HS1BP3: variants seen among roughly 807,000 people sequenced by gnomAD.
HS1BP3 encodes the protein HCLS1 binding protein 3, also known as HCLS1-binding protein 3.
In HS1BP3, 32 loss-of-function variants were observed where a neutral mutation model predicts 33.5. The observed-to-expected ratio is 0.95, with a 90% CI of 0.72 to 1.28. HS1BP3 has a LOEUF of 1.28. Ranked by LOEUF, HS1BP3 falls within the 50% of genes most tolerant of loss-of-function variation. HS1BP3 has a pLI of 0.00. For missense variants in HS1BP3, 486 were observed against 502.3 expected, an observed-to-expected ratio of 0.97 and a Z score of 0.31; for synonymous variants, 187 against 209.2, an observed-to-expected ratio of 0.89 and a Z score of 0.92.
intron 2 of HS1BP3, among the ~76,000 whole-genome samples, chr2:20,643,325 C>T (rs1214008343): frequency 3.3e-5 from 5 of 152,190 alleles, no homozygotes; most frequent in African/African-American, 1.2e-4. Flanking sequence ...GTGGGCTGGG[C>T]GGCTGAAGCC....
chr2:20,613,517 C>T (rs532441685), downstream of HS1BP3, among the ~76,000 whole-genome samples: 4 of 152,322 alleles, frequency 2.6e-5, no homozygotes, highest in East Asian at 3.9e-4. Flanking sequence ...GAAGGAACGC[C>T]GCTGCCCGCC....
intron 1 of HS1BP3, among the ~76,000 whole-genome samples, chr2:20,648,590 GT>G (rs1034311156): frequency 1.3e-5 from 2 of 152,118 alleles, no homozygotes; most frequent in Non-Finnish European, 2.9e-5. Context: ...GCTTTGGATG[GT>G]TCCCCTTGAT....
rs1694721734 is a variant in HS1BP3, at chr2:20,624,802, A to C, written c.714T>G (p.Asp238Glu). 6.2e-7 allele frequency: 1 copy of C among 1,613,686 alleles called. No homozygotes were observed. The highest frequency in any genetic ancestry group is 1.1e-5 in the South Asian group (1 of 91,074). Residue 238 changes from aspartate to glutamate, a missense_variant, in exon 5 of 7, where the codon GAT becomes GAG. Transcript: ENST00000304031. ...TCCTGCCCGGGCCAAAGAGCCCCTC[A>C]TCAGGGTCCACCTCCTCGTCAAAGA... ...LTIFDEEVDPDEGLFGPGRKL... is the reference protein window; with the variant it reads ...LTIFDEEVDPEEGLFGPGRKL...
chr2:20,581,233 T>C (rs2149275724), intron 5 of HS1BP3, among the ~76,000 whole-genome samples: 1 of 152,376 alleles, frequency 6.6e-6, no homozygotes, highest in East Asian at 1.9e-4. Flanking sequence ...AGCCTGACAT[T>C]CCGAAGCCTT....
intron 2 of HS1BP3, 139 bp downstream of exon 2, chr2:20,645,201 C>G (rs116141679): frequency 0.011 from 8,447 of 786,562 alleles, 62 homozygotes; most frequent in Non-Finnish European, 0.014. Flanking sequence ...CTAGCATGGT[C>G]TGGTACTCCA....
chr2:20,576,943 G>C (rs1693414815), intron 5 of HS1BP3, among the ~76,000 whole-genome samples: 1 of 152,264 alleles, frequency 6.6e-6, no homozygotes, highest in South Asian at 2.1e-4. Flanking sequence ...ATGGGGAACA[G>C]AATTCCCACT....
Position 20,624,036 on chromosome 2 carries a change from G to A in HS1BP3, c.785-5C>T. ...GATCATCAAATAGCTTCAGGGCTGT[G>A]GGAAGGCAGCAGCAGGGGGGTCAGA... is the stretch of plus-strand genomic sequence containing the variant. On this transcript the variant is annotated splice_polypyrimidine_tract_variant and splice_region_variant and intron_variant, in intron 5 of 6. Transcript: ENST00000304031. 1 of 1,610,902 alleles carries A rather than the reference G, an allele frequency of 6.2e-7. No individual in the cohort carries two copies.
chr2:20,588,485 T>TG (rs1392529509), downstream of HS1BP3, among the ~76,000 whole-genome samples: 5 of 152,162 alleles, frequency 3.3e-5, no homozygotes, highest in Non-Finnish European at 7.4e-5. Context: ...CTGGCTAATT[T>TG]TTTTTTGCAT....
intron 3 of HS1BP3, among the ~76,000 whole-genome samples, chr2:20,597,451 G>A (rs1452611927): frequency 3.3e-5 from 5 of 152,164 alleles, no homozygotes; most frequent in Admixed American, 2.6e-4. Flanking sequence ...GTTTCAGCAA[G>A]CCTTCACCTT....
downstream of HS1BP3, among the ~76,000 whole-genome samples, chr2:20,555,917 C>T (rs1261464094): frequency 1.3e-5 from 2 of 152,186 alleles, no homozygotes; most frequent in African/African-American, 2.4e-5. Flanking sequence ...CCTGACCACC[C>T]ATCCAGACCC....
At chr2:20,582,694 G>C (rs879121935) in intron 5 of HS1BP3, among the ~76,000 whole-genome samples, 1 of 152,120 alleles carries the variant, frequency 6.6e-6, no homozygotes, top group Admixed American at 6.5e-5. Context: ...CTAAGGGGCA[G>C]CTGGGATGGC....
chr2:20,577,069 C>A (rs1693418185), intron 5 of HS1BP3, among the ~76,000 whole-genome samples: 1 of 152,056 alleles, frequency 6.6e-6, no homozygotes, highest in South Asian at 2.1e-4. Flanking sequence ...AAGGGAATTG[C>A]CGTTTGAGTT....
rs562206573 is a variant in HS1BP3 at position 20,608,645 on chromosome 2, G to A, written c.179-10380C>T. 2.8e-4 allele frequency among the ~76,000 whole-genome samples: 42 copies of A among 149,676 alleles called. 1 individual carries two copies. The highest frequency in any genetic ancestry group is 1.0e-3 in the African/African-American group (41 of 40,820). ...GTCTTGTTCCTGATCTTCGGGCAAA[G>A]ATTTCTGTCTTTCACCAAGTGTTTT... On this transcript the variant is annotated intron_variant, in intron 2 of 3. Transcript: ENST00000415264.
chr2:20,611,623 C>T lies in HS1BP3; in HGVS notation c.178+12273G>A, dbSNP rs575580575. Among the ~76,000 whole-genome samples, 3 of 152,314 alleles carry T rather than the reference C, an allele frequency of 2.0e-5. No individual in the cohort carries two copies. Among genetic ancestry groups the T allele is most frequent in the South Asian group, 2.1e-4 (1 of 4,828 alleles). On this transcript the variant is annotated intron_variant, in intron 2 of 3. Coordinates refer to the HS1BP3 transcript ENST00000415264. The surrounding 1 kb of genome is among the most constrained non-coding windows in gnomAD (Gnocchi z 4.9). ...TTGTCAGAATGGCTCATTTCCAGTTCGTTCCATCTACCCTCCCTTTGGTAG... is the reference window on the plus strand; with the variant it reads ...TTGTCAGAATGGCTCATTTCCAGTTTGTTCCATCTACCCTCCCTTTGGTAG...
chr2:20,615,563 C>A (rs1361321950), downstream of HS1BP3, among the ~76,000 whole-genome samples: 1 of 152,232 alleles, frequency 6.6e-6, no homozygotes, highest in Non-Finnish European at 1.5e-5. Context: ...AGCTGTGAAC[C>A]CACATGAAGC....
chr2:20,618,879 G>T lies in HS1BP3; in HGVS notation c.*108C>A. On this transcript the variant is annotated 3_prime_UTR_variant, in exon 7 of 7. Coordinates refer to ENST00000304031, the MANE Select transcript of HS1BP3 (RefSeq NM_022460.4). ...GTGCTGTGACCCAGGCTTCTGCCTGGCCTCCCCTGGGGGTGGGGAGGTTCT... is the reference window on the plus strand; with the variant it reads ...GTGCTGTGACCCAGGCTTCTGCCTGTCCTCCCCTGGGGGTGGGGAGGTTCT... 1 of 1,458,406 alleles carries T rather than the reference G, an allele frequency of 6.9e-7. No individual in the cohort carries two copies. Among genetic ancestry groups the T allele is most frequent in the East Asian group, 2.5e-5 (1 of 40,580 alleles). 90.3% of individuals were successfully genotyped at this position (1,458,406 alleles called of 1,614,324 possible). A position where few individuals can be genotyped will look rare whatever the true frequency, so the allele number is the denominator to read the frequency against.
downstream of HS1BP3, among the ~76,000 whole-genome samples, chr2:20,556,417 T>C (rs941994952): frequency 2.0e-5 from 3 of 152,190 alleles, no homozygotes; most frequent in Non-Finnish European, 4.4e-5. Context: ...TCAATCCGAG[T>C]TTATGTTCTG....
chr2:20,594,344 G>T (rs1693896840), intron 3 of HS1BP3, among the ~76,000 whole-genome samples: 1 of 152,228 alleles, frequency 6.6e-6, no homozygotes, highest in African/African-American at 2.4e-5. Flanking sequence ...AAAGATCCTG[G>T]AGGAGGTGAA....
At chr2:20,620,162 G>A (rs1558337593) in intron 6 of HS1BP3, among the ~76,000 whole-genome samples, 1 of 152,242 alleles carries the variant, frequency 6.6e-6, no homozygotes, top group African/African-American at 2.4e-5. Flanking sequence ...GCTCTGTGCT[G>A]AACACCCGTG....
Sources: allele counts gnomAD v4.1 joint callset (sites outside exome capture counted in the v4.1 genomes callset), GRCh38; gene constraint gnomAD v4.1.1; non-coding constraint Gnocchi (gnomAD v3.1); transcripts MANE v1.5; gene names NCBI Gene and HGNC (gene_info 2026-07-23, HGNC 2026-07-21).